TRABD2B: variants seen among roughly 807,000 people sequenced by gnomAD.
The protein encoded by TRABD2B is TraB domain containing 2B.
Under a neutral mutation model 40.1 loss-of-function variants are expected in TRABD2B, and 14 were observed. The observed-to-expected ratio is 0.35, with a 90% confidence interval of 0.23 to 0.55. TRABD2B has a LOEUF of 0.55. Among genes scored for constraint, TRABD2B ranks in the 20% least tolerant of loss-of-function variants. The pLI is 0.90. For missense variants in TRABD2B, 541 were observed against 648.6 expected (o/e 0.83, Z 1.80); for synonymous variants, 263 against 277.0 (o/e 0.95, Z 0.50).
intron 2 of TRABD2B, among the ~76,000 whole-genome samples, chr1:47,803,275 A>G (rs1644847978): frequency 6.6e-6 from 1 of 152,166 alleles, no homozygotes; most frequent in Non-Finnish European, 1.5e-5. Context: ...TTTCCATGGA[A>G]CTTTGTAGCT....
At chr1:47,828,989 G>A (rs1459068178) in intron 2 of TRABD2B, among the ~76,000 whole-genome samples, 6 of 152,268 alleles carry the variant, frequency 3.9e-5, no homozygotes, top group African/African-American at 1.2e-4. Flanking sequence ...CAGGAACCAT[G>A]GCTGGAGGAC....
chr1:47,807,531 G>A (rs1644908394), intron 2 of TRABD2B, among the ~76,000 whole-genome samples: 1 of 152,150 alleles, frequency 6.6e-6, no homozygotes, highest in South Asian at 2.1e-4. Flanking sequence ...GTAGAAGAAG[G>A]TAGTCAGCAA....
intron 2 of TRABD2B, among the ~76,000 whole-genome samples, chr1:47,859,452 C>T (rs957187081): frequency 2.0e-5 from 3 of 152,226 alleles, no homozygotes; most frequent in African/African-American, 7.2e-5. Context: ...TACTTCTTCC[C>T]AACAACTGTG....
intron 2 of TRABD2B, among the ~76,000 whole-genome samples, chr1:47,815,939 A>G (rs747893603): frequency 2.0e-5 from 3 of 152,180 alleles, no homozygotes; most frequent in Non-Finnish European, 4.4e-5. Flanking sequence ...ACATGTAACA[A>G]GCATATGTGT....
At chr1:47,767,776 A>G (rs561518897) in intron 6 of TRABD2B, among the ~76,000 whole-genome samples, 1 of 152,264 alleles carries the variant, frequency 6.6e-6, no homozygotes, top group East Asian at 1.9e-4. Context: ...CACGCTTCCC[A>G]CTGCTTGCCC....
chr1:47,926,498 C>T (rs999432058), intron 2 of TRABD2B, among the ~76,000 whole-genome samples: 1 of 152,118 alleles, frequency 6.6e-6, no homozygotes, highest in African/African-American at 2.4e-5. Context: ...CAAGGCTCTC[C>T]CACTTTGCAG....
chr1:47,912,793 T>C (rs574510360), intron 2 of TRABD2B, among the ~76,000 whole-genome samples: 10 of 152,250 alleles, frequency 6.6e-5, no homozygotes, highest in African/African-American at 2.2e-4. Flanking sequence ...CTCACTCTTC[T>C]CAGGCCCACC....
rs543046032 is a variant in TRABD2B at position 47,874,642 on chromosome 1, A to G, written c.667-73023T>C. On this transcript the variant is annotated intron_variant, in intron 2 of 6. Transcript: ENST00000606738. ...GAGTGCAGTAGCAGGATTATAGCTCACTGAAGCTTTGAACTCTTGGGCTCA... is the reference window on the plus strand; with the variant it reads ...GAGTGCAGTAGCAGGATTATAGCTCGCTGAAGCTTTGAACTCTTGGGCTCA... 3.0e-4 allele frequency among the ~76,000 whole-genome samples: 44 copies of G among 148,642 alleles called. No individual in the cohort carries two copies. In the South Asian group the frequency reaches 5.7e-3, roughly 19 times the overall value.
chr1:47,808,182 C>T (rs1232083893), intron 2 of TRABD2B, among the ~76,000 whole-genome samples: 2 of 152,194 alleles, frequency 1.3e-5, no homozygotes, highest in African/African-American at 2.4e-5. Flanking sequence ...GGAATTCTAC[C>T]AGCAGACTGC....
chr1:47,799,837 C>T (rs1644797852), intron 3 of TRABD2B, among the ~76,000 whole-genome samples: 1 of 152,182 alleles, frequency 6.6e-6, no homozygotes, highest in East Asian at 1.9e-4. Flanking sequence ...GCCCTACCCA[C>T]AAGCCCATCT....
chr1:47,950,239 C>T (rs1013885316), intron 2 of TRABD2B, among the ~76,000 whole-genome samples: 5 of 151,806 alleles, frequency 3.3e-5, no homozygotes, highest in South Asian at 2.1e-4. Context: ...GAGCCGAGAT[C>T]GGGCCACTGC....
chr1:47,926,805 C>G (rs1050764891), intron 2 of TRABD2B, among the ~76,000 whole-genome samples: 2 of 152,210 alleles, frequency 1.3e-5, no homozygotes, highest in African/African-American at 4.8e-5. Flanking sequence ...CAGCCCTACT[C>G]CCTTCCTCTC....
At chr1:47,980,461 A>G (rs1242044749) in intron 2 of TRABD2B, among the ~76,000 whole-genome samples, 2 of 152,188 alleles carry the variant, frequency 1.3e-5, no homozygotes, top group Admixed American at 1.3e-4. Context: ...GCAAAGCCCC[A>G]GCTGCCATGG....
At chr1:47,830,439 C>T (rs891117525) in intron 2 of TRABD2B, among the ~76,000 whole-genome samples, 2 of 152,250 alleles carry the variant, frequency 1.3e-5, no homozygotes, top group African/African-American at 2.4e-5. Context: ...ACCCACCAAG[C>T]TGGGAATCAG....
At chr1:47,927,336 A>G (rs1231176015) in intron 2 of TRABD2B, among the ~76,000 whole-genome samples, 1 of 152,208 alleles carries the variant, frequency 6.6e-6, no homozygotes, top group African/African-American at 2.4e-5. Context: ...TATAAATCCA[A>G]CTGCAAACAT....
intron 4 of TRABD2B, among the ~76,000 whole-genome samples, chr1:47,790,334 A>C (rs963696160): frequency 2.4e-4 from 36 of 152,098 alleles, no homozygotes; most frequent in Admixed American, 2.3e-3. Flanking sequence ...CCATGGCCAC[A>C]GCCTGGCTAC....
At chr1:47,814,480 G>C (rs1231039683) in intron 2 of TRABD2B, among the ~76,000 whole-genome samples, 1 of 152,192 alleles carries the variant, frequency 6.6e-6, no homozygotes, top group Non-Finnish European at 1.5e-5. Context: ...GGGGCTTTGG[G>C]GAGGCATGGA....
chr1:47,979,783 T>C (rs1293194186), intron 2 of TRABD2B, among the ~76,000 whole-genome samples: 1 of 152,228 alleles, frequency 6.6e-6, no homozygotes, highest in Non-Finnish European at 1.5e-5. Flanking sequence ...GGCCCTGTAA[T>C]GTATAACTAC....
At chr1:47,976,271 C>T (rs769373336) in intron 2 of TRABD2B, among the ~76,000 whole-genome samples, 3 of 152,294 alleles carry the variant, frequency 2.0e-5, no homozygotes, top group Non-Finnish European at 4.4e-5. Flanking sequence ...CTACCCCTTA[C>T]ACACTGGGAG....
Sources: allele counts gnomAD v4.1 joint callset (sites outside exome capture counted in the v4.1 genomes callset), GRCh38; gene constraint gnomAD v4.1.1; transcripts MANE v1.5; gene names NCBI Gene and HGNC (gene_info 2026-07-23, HGNC 2026-07-21).